The following MGAT4C variants were observed in gnomAD, a reference collection of about 807,000 sequenced individuals.
The protein encoded by MGAT4C is MGAT4 family member C.
Under a neutral mutation model 40.1 loss-of-function variants are expected in MGAT4C, and 19 were observed. The ratio of observed to expected loss-of-function variants is 0.47; its 90% CI spans 0.33 to 0.70. The LOEUF is 0.70. MGAT4C is among the 30% of genes least tolerant of loss of function. The pLI is 0.02. For missense variants in MGAT4C, 491 were observed against 563.2 expected (o/e 0.87, Z 1.30); for synonymous variants, 181 against 187.1 (o/e 0.97, Z 0.27).
chr12:86,768,696 C>T (rs1213315040), intron 1 of MGAT4C, among the ~76,000 whole-genome samples: 1 of 151,998 alleles, frequency 6.6e-6, no homozygotes, highest in Non-Finnish European at 1.5e-5. Flanking sequence ...CAGAATAGAG[C>T]CCTCAGAAAT....
rs879606005 is a variant in MGAT4C at position 86,191,132 on chromosome 12, CA to C, written c.-57+65106del. ...ACACACACACACACACACACACACA[CA>C]CCCCTATAGGGTCTGTTTCTCTAAA... On this transcript the variant is annotated intron_variant, in intron 1 of 4. Transcript: ENST00000611864. Among the ~76,000 whole-genome samples the C allele has an allele frequency of 7.8e-3, 997 of 128,504 alleles. 9 individuals carry two copies. The highest frequency in any genetic ancestry group is 0.021 in the South Asian group (84 of 3,920). 84.3% of individuals were successfully genotyped at this position (128,504 alleles called of 152,430 possible). A position where few individuals can be genotyped will look rare whatever the true frequency, so the allele number is the denominator to read the frequency against.
At chr12:86,320,910 T>A (rs1281415166) in intron 4 of MGAT4C, among the ~76,000 whole-genome samples, 1 of 152,156 alleles carries the variant, frequency 6.6e-6, no homozygotes, top group Admixed American at 6.5e-5. Context: ...TCATTTTTCT[T>A]AATGGATCAA....
chr12:86,660,625 T>A (rs1183936433), intron 2 of MGAT4C, among the ~76,000 whole-genome samples: 7 of 152,040 alleles, frequency 4.6e-5, no homozygotes, highest in Admixed American at 1.3e-4. Flanking sequence ...AGAAACTGGA[T>A]GATATTAGCA....
intron 3 of MGAT4C, among the ~76,000 whole-genome samples, chr12:86,408,448 ACTCTCT>A (rs1174416641): frequency 1.8e-3 from 54 of 29,356 alleles, no homozygotes; most frequent in East Asian, 9.9e-3. Flanking sequence ...TACATAGTAA[ACTCTCT>A]CTCTCTCTCT....
intron 3 of MGAT4C, among the ~76,000 whole-genome samples, chr12:86,383,328 G>A (rs1177179774): frequency 6.6e-6 from 1 of 152,102 alleles, no homozygotes; most frequent in Non-Finnish European, 1.5e-5. Context: ...AAGGTGGGCA[G>A]ATCACCTGAG....
chr12:86,650,549 A>G lies in MGAT4C; in HGVS notation c.-229+76660T>C, dbSNP rs190220994. On this transcript the variant is annotated intron_variant, in intron 2 of 7. Coordinates refer to the MGAT4C transcript ENST00000548651. ...CCACTAGCTTTTCCAAGGGACTGAA[A>G]TTGGGCAGCCCAGATTTAAACTGTG... Among the ~76,000 whole-genome samples, 1,244 of 151,962 alleles carry G rather than the reference A, an allele frequency of 8.2e-3. 11 individuals carry two copies. The highest frequency in any genetic ancestry group is 0.013 in the Admixed American group (191 of 15,198).
At chr12:86,678,426 TTTTTA>T (rs770514494) in intron 2 of MGAT4C, among the ~76,000 whole-genome samples, 7 of 151,970 alleles carry the variant, frequency 4.6e-5, no homozygotes, top group South Asian at 4.1e-4. Context: ...TCCTCTTTTT[TTTTTA>T]TTTTATTATT....
At chr12:86,780,601 T>C (rs1022263329) in intron 1 of MGAT4C, among the ~76,000 whole-genome samples, 2 of 152,194 alleles carry the variant, frequency 1.3e-5, no homozygotes, top group African/African-American at 2.4e-5. Context: ...CCATGATTGT[T>C]AAGTTTCCTG....
chr12:86,320,318 T>G (rs1014214509), intron 4 of MGAT4C, among the ~76,000 whole-genome samples: 1 of 152,160 alleles, frequency 6.6e-6, no homozygotes, highest in South Asian at 2.1e-4. Flanking sequence ...TAATTTCCAG[T>G]AGGGAAGGTG....
Position 86,088,725 on chromosome 12 carries a change from T to C in MGAT4C, c.-56-39002A>G, listed in dbSNP as rs1432906451. Among the ~76,000 whole-genome samples, 9 of 151,756 alleles carry C rather than the reference T, an allele frequency of 5.9e-5. No individual in the cohort carries two copies. In the South Asian group the frequency reaches 1.5e-3, roughly 24 times the overall value. The stretch of plus-strand genomic sequence containing the variant: ...GCCAACTATGTTAATAGGGCTACTA[T>C]TAAAAGTGCCAAAAATAACAGATGC... On this transcript the variant is annotated intron_variant, in intron 1 of 4. Coordinates refer to ENST00000611864, the MANE Select transcript of MGAT4C (RefSeq NM_001351288.2).
chr12:86,067,505 G>A (rs1415047364), intron 1 of MGAT4C, among the ~76,000 whole-genome samples: 2 of 150,554 alleles, frequency 1.3e-5, no homozygotes, highest in African/African-American at 2.4e-5. Flanking sequence ...GGAGCTGAAC[G>A]ATGAGAACAC....
At chr12:86,725,726 G>A (rs934180037) in intron 2 of MGAT4C, among the ~76,000 whole-genome samples, 19 of 151,904 alleles carry the variant, frequency 1.3e-4, no homozygotes, top group Admixed American at 1.2e-3. Context: ...GACTCTCAAA[G>A]GGCTAGGATT....
intron 3 of MGAT4C, among the ~76,000 whole-genome samples, chr12:86,397,488 T>C (rs1956282347): frequency 6.6e-6 from 1 of 152,138 alleles, no homozygotes; most frequent in Non-Finnish European, 1.5e-5. Flanking sequence ...TGTTGGATTA[T>C]TGACTAAAAC....
At chr12:86,339,299 A>G (rs1954858260) in intron 3 of MGAT4C, among the ~76,000 whole-genome samples, 1 of 152,168 alleles carries the variant, frequency 6.6e-6, no homozygotes, top group African/African-American at 2.4e-5. Flanking sequence ...CAATGCTCAT[A>G]TAGGGCTACT....
At chr12:86,725,812 G>C (rs904250699) in intron 2 of MGAT4C, among the ~76,000 whole-genome samples, 1 of 152,138 alleles carries the variant, frequency 6.6e-6, no homozygotes, top group Non-Finnish European at 1.5e-5. Context: ...TCACATTTGT[G>C]ATTAAAATAC....
intron 1 of MGAT4C, among the ~76,000 whole-genome samples, chr12:86,769,754 C>G (rs538185454): frequency 9.2e-5 from 14 of 152,166 alleles, no homozygotes; most frequent in African/African-American, 1.4e-4. Flanking sequence ...TCTCAGTAAA[C>G]TATCGCAAGG....
At chr12:86,237,659 G>C (rs950679333) in intron 1 of MGAT4C, among the ~76,000 whole-genome samples, 4 of 151,766 alleles carry the variant, frequency 2.6e-5, no homozygotes, top group Admixed American at 2.6e-4. Context: ...TGAATATTAG[G>C]AGATAAATTT....
At chr12:86,530,501 A>G (rs2136372121) in intron 2 of MGAT4C, among the ~76,000 whole-genome samples, 1 of 152,174 alleles carries the variant, frequency 6.6e-6, no homozygotes, top group Non-Finnish European at 1.5e-5. Flanking sequence ...AATAAATAGT[A>G]TGCTTTTAAA....
intron 2 of MGAT4C, chr12:86,002,423 C>T (rs531962852): frequency 6.6e-6 from 1 of 151,994 alleles, no homozygotes; most frequent in Admixed American, 6.6e-5. Context: ...CTTTAGTCCT[C>T]ATATTGAGAA....
Sources: allele counts gnomAD v4.1 joint callset (sites outside exome capture counted in the v4.1 genomes callset), GRCh38; gene constraint gnomAD v4.1.1; transcripts MANE v1.5; gene names NCBI Gene and HGNC (gene_info 2026-07-23, HGNC 2026-07-21).